GBE1: variants seen among roughly 807,000 people sequenced by gnomAD.
GBE1 encodes 1,4-alpha-glucan branching enzyme 1.
Under a neutral mutation model 88.8 loss-of-function variants are expected in GBE1, and 70 were observed. That is an observed-to-expected ratio of 0.79 (90% confidence interval 0.65 to 0.96). GBE1 has a LOEUF of 0.96. Among genes scored for constraint, GBE1 ranks in the 40% least tolerant of loss-of-function variants. The pLI, the probability that GBE1 is intolerant of heterozygous loss-of-function variation, is 0.00. For missense variants in GBE1, 872 were observed against 871.0 expected, an observed-to-expected ratio of 1.00 and a Z score of -0.01; for synonymous variants, 284 against 300.1, an observed-to-expected ratio of 0.95 and a Z score of 0.56.
At chr3:81,516,232 T>A (rs1702797214) in intron 14 of GBE1, among the ~76,000 whole-genome samples, 1 of 151,582 alleles carries the variant, frequency 6.6e-6, no homozygotes, top group African/African-American at 2.4e-5. Context: ...ATGCAGCTGG[T>A]GACTTTGAGT....
chr3:81,709,605 A>T (rs1021693188), intron 1 of GBE1, among the ~76,000 whole-genome samples: 1 of 152,194 alleles, frequency 6.6e-6, no homozygotes, highest in African/African-American at 2.4e-5. Flanking sequence ...AAATTTTTAG[A>T]TTTATGTAAA....
chr3:81,576,783 T>C (rs1703652907), intron 12 of GBE1, among the ~76,000 whole-genome samples: 1 of 150,652 alleles, frequency 6.6e-6, no homozygotes. Flanking sequence ...ACCCTGAGAA[T>C]AGAGGATACA....
chr3:81,741,973 A>T lies in GBE1; in HGVS notation c.143+19402T>A, dbSNP rs190113968. ...GAAAATCTTGATACTATAAAAAGAT[A>T]TTTCAAAACCTACCTCAATGTAAAC... is the stretch of plus-strand genomic sequence containing the variant. On this transcript the variant is annotated intron_variant, in intron 1 of 15. Coordinates refer to ENST00000429644, the MANE Select transcript of GBE1 (RefSeq NM_000158.4). Among the ~76,000 whole-genome samples the T allele has an allele frequency of 8.6e-5, 13 of 151,532 alleles. No individual in the cohort carries two copies. The East Asian group carries it at 2.1e-3, about 25-fold the overall frequency.
intron 12 of GBE1, among the ~76,000 whole-genome samples, chr3:81,571,777 C>T (rs773814111): frequency 2.6e-5 from 4 of 152,012 alleles, no homozygotes; most frequent in Admixed American, 1.3e-4. Flanking sequence ...TTTACCTATA[C>T]GTTATGAAAC....
intron 14 of GBE1, among the ~76,000 whole-genome samples, chr3:81,528,600 G>A (rs1702976133): frequency 6.6e-6 from 1 of 151,902 alleles, no homozygotes; most frequent in South Asian, 2.1e-4. Context: ...GCTGTTATTG[G>A]ATTGAGGTGT....
chr3:81,494,984 A>G (rs1702481890), intron 15 of GBE1, among the ~76,000 whole-genome samples: 1 of 152,244 alleles, frequency 6.6e-6, no homozygotes, highest in African/African-American at 2.4e-5. Context: ...AAAAAAGAAA[A>G]GTTTAAAATG....
intron 12 of GBE1, among the ~76,000 whole-genome samples, chr3:81,551,519 C>T (rs1242033296): frequency 6.6e-6 from 1 of 152,152 alleles, no homozygotes; most frequent in East Asian, 1.9e-4. Context: ...TATCTGATTG[C>T]CTCCCTTGGA....
chr3:81,503,770 GA>G (rs989675564), intron 14 of GBE1, among the ~76,000 whole-genome samples: 1 of 152,148 alleles, frequency 6.6e-6, no homozygotes, highest in African/African-American at 2.4e-5. Flanking sequence ...TTTATGCCAA[GA>G]ATACGGCAGT....
intron 12 of GBE1, among the ~76,000 whole-genome samples, chr3:81,542,050 A>G (rs1268873151): frequency 6.6e-6 from 1 of 152,094 alleles, no homozygotes. Flanking sequence ...ATTTTTGTCT[A>G]TATCCACATC....
At chr3:81,656,044 G>C (rs1704934919) in intron 3 of GBE1, among the ~76,000 whole-genome samples, 1 of 152,044 alleles carries the variant, frequency 6.6e-6, no homozygotes, top group African/African-American at 2.4e-5. Flanking sequence ...AGCTCTGCTT[G>C]TCATTTCTGC....
In GBE1 at chr3:81,536,976, G is replaced by A; in HGVS notation, c.1738C>T (p.Leu580=). 1 of 1,591,136 alleles carries A rather than the reference G, an allele frequency of 6.3e-7. No homozygotes were observed. The highest frequency in any genetic ancestry group is 8.5e-7 in the Non-Finnish European group (1 of 1,170,130). The change falls in exon 13 of 16, where the codon CTA becomes TTA. Residue 580 remains leucine, a synonymous_variant. Coordinates refer to ENST00000429644, the MANE Select transcript of GBE1 (RefSeq NM_000158.4). Reference sequence around the variant, plus strand: ...TTCATATCCCTGTCAAAATTATTTAGGAACTTGTAGCGAAGAAGGTCGTCG... The same window carrying A: ...TTCATATCCCTGTCAAAATTATTTAAGAACTTGTAGCGAAGAAGGTCGTCG... ...TDDDLLRYKF[L]NNFDRDMNRL...
chr3:81,641,082 T>C (rs1704671968), intron 7 of GBE1, among the ~76,000 whole-genome samples: 1 of 150,796 alleles, frequency 6.6e-6, no homozygotes, highest in Non-Finnish European at 1.5e-5. Flanking sequence ...ACAATAAACA[T>C]GTGAATAAAA....
intron 1 of GBE1, among the ~76,000 whole-genome samples, chr3:81,741,454 G>A (rs1286505753): frequency 1.3e-5 from 2 of 152,026 alleles, no homozygotes; most frequent in Non-Finnish European, 2.9e-5. Flanking sequence ...ATTCCCAAAT[G>A]TCAACACAGA....
At chr3:81,684,454 C>A (rs1221358401) in intron 2 of GBE1, among the ~76,000 whole-genome samples, 1 of 152,158 alleles carries the variant, frequency 6.6e-6, no homozygotes, top group African/African-American at 2.4e-5. Context: ...GCTCTCTTCC[C>A]AACTTGCAGA....
At chr3:81,612,648 C>T (rs1027075165) in intron 7 of GBE1, 16 of 566,360 alleles carry the variant, frequency 2.8e-5, no homozygotes, top group Admixed American at 1.2e-4. Context: ...CATTTCTATT[C>T]GACTTTCAAA....
Position 81,581,195 on chromosome 3 carries a change from C to T in GBE1, c.1416G>A (p.Lys472=), listed in dbSNP as rs1301310681. ...YTLTNRRYLE[K]CIAYAESHDQ... The stretch of plus-strand genomic sequence containing the variant: ...CATGGCTCTCTGCATAAGCAATGCA[C>T]TTTTCAAGGTAGCGCCTGTTTGTGA... Residue 472 remains lysine (K), a synonymous_variant, in exon 11 of 16, where the codon AAG becomes AAA. Transcript: ENST00000429644. The T allele has an allele frequency of 6.2e-7, 1 of 1,606,746 alleles. No individual in the cohort carries two copies. The highest frequency in any genetic ancestry group is 8.5e-7 in the Non-Finnish European group (1 of 1,176,742).
chr3:81,663,233 C>T lies in GBE1; in HGVS notation c.429+7605G>A, dbSNP rs182933440. 2.4e-3 allele frequency among the ~76,000 whole-genome samples: 370 copies of T among 152,254 alleles called. 2 individuals carry two copies. The highest frequency in any genetic ancestry group is 3.8e-3 in the Non-Finnish European group (259 of 68,006). ...GAAATGTTGCATTTTCCAATACCAC[C>T]CTGGCCCGCCAGGAACCATCATGGG... On this transcript the variant is annotated intron_variant, in intron 3 of 15. Transcript: ENST00000429644.
At chr3:81,610,618 T>C (rs758428975) in intron 7 of GBE1, among the ~76,000 whole-genome samples, 6 of 152,148 alleles carry the variant, frequency 3.9e-5, no homozygotes, top group Non-Finnish European at 7.4e-5. Flanking sequence ...AGAGGTACTG[T>C]CATCACAATG....
intron 11 of GBE1, 55 bp downstream of exon 11, chr3:81,581,110 G>A (rs894052886): frequency 8.2e-6 from 8 of 980,538 alleles, no homozygotes; most frequent in South Asian, 1.4e-5. Flanking sequence ...TAAGGAGAGG[G>A]AAGGAGGAAG....
Sources: gnomAD v4.1 joint callset for allele counts (sites outside exome capture counted in the v4.1 genomes callset) on GRCh38, gnomAD v4.1.1 for gene constraint, MANE v1.5 for transcripts, NCBI Gene and HGNC (gene_info 2026-07-23, HGNC 2026-07-21) for gene names.